The following KCNIP4 variants were observed in gnomAD, a reference collection of about 807,000 sequenced individuals.
KCNIP4 encodes the protein potassium voltage-gated channel interacting protein 4.
KCNIP4 carries 12 observed loss-of-function variants against 34.0 expected under a neutral mutation model. The observed-to-expected ratio is 0.35, with a 90% CI of 0.23 to 0.57. KCNIP4 has a LOEUF of 0.57. Ranked by LOEUF, KCNIP4 falls within the 20% of genes least tolerant of loss-of-function variation. KCNIP4 has a pLI of 0.83. For missense variants in KCNIP4, 238 were observed against 311.7 expected (o/e 0.76, Z 1.78); for synonymous variants, 124 against 102.2 (o/e 1.21, Z -1.29).
intron 1 of KCNIP4, among the ~76,000 whole-genome samples, chr4:21,671,164 G>C (rs1024577796): frequency 1.3e-5 from 2 of 151,946 alleles, no homozygotes; most frequent in African/African-American, 4.8e-5. Flanking sequence ...TCATAAAACT[G>C]ATTTAGAAAC....
chr4:20,748,623 A>C (rs1345126631), intron 5 of KCNIP4, among the ~76,000 whole-genome samples: 14 of 146,098 alleles, frequency 9.6e-5, no homozygotes, highest in African/African-American at 3.5e-4. Context: ...GTAAATATAA[A>C]TGTATATATG....
At chr4:20,958,419 G>A (rs954906297) in intron 1 of KCNIP4, among the ~76,000 whole-genome samples, 2 of 152,192 alleles carry the variant, frequency 1.3e-5, no homozygotes, top group Admixed American at 1.3e-4. Flanking sequence ...TCTTTCTAAT[G>A]ACTTCAACCT....
chr4:21,167,827 G>A (rs1288306674), intron 1 of KCNIP4, among the ~76,000 whole-genome samples: 1 of 152,156 alleles, frequency 6.6e-6, no homozygotes, highest in East Asian at 1.9e-4. Context: ...GGTTGACAAA[G>A]ATGATGAACT....
chr4:21,829,870 C>T (rs191037367), intron 1 of KCNIP4, among the ~76,000 whole-genome samples: 27 of 150,944 alleles, frequency 1.8e-4, no homozygotes, highest in African/African-American at 6.6e-4. Context: ...CCAATGCAAT[C>T]AAAGCATACC....
intron 1 of KCNIP4, among the ~76,000 whole-genome samples, chr4:21,466,705 T>C (rs1729969813): frequency 6.6e-6 from 1 of 152,152 alleles, no homozygotes; most frequent in Non-Finnish European, 1.5e-5. Flanking sequence ...CCATCCCATT[T>C]ATACAAATGC....
At chr4:21,311,796 A>G (rs1352159334) in intron 1 of KCNIP4, among the ~76,000 whole-genome samples, 2 of 152,206 alleles carry the variant, frequency 1.3e-5, no homozygotes, top group East Asian at 1.9e-4. Context: ...AGATGAACAG[A>G]TGCAGTGAGG....
At chr4:21,944,556 C>CAAAA (rs5856680) in intron 1 of KCNIP4, among the ~76,000 whole-genome samples, 18 of 104,404 alleles carry the variant, frequency 1.7e-4, no homozygotes, top group African/African-American at 2.6e-4. Flanking sequence ...GACTCCGTCT[C>CAAAA]AAAAAAAAAA....
chr4:21,479,813 A>G (rs934889148), intron 1 of KCNIP4, among the ~76,000 whole-genome samples: 1 of 152,044 alleles, frequency 6.6e-6, no homozygotes, highest in African/African-American at 2.4e-5. Flanking sequence ...CTAGTAAAAT[A>G]TACAATAAAA....
At chr4:21,653,944 C>A (rs979933090) in intron 1 of KCNIP4, among the ~76,000 whole-genome samples, 1 of 152,224 alleles carries the variant, frequency 6.6e-6, no homozygotes, top group East Asian at 1.9e-4. Flanking sequence ...TTGAAGAAGT[C>A]CTCATTTAGG....
At chr4:21,431,739 T>C (rs1726468656) in intron 1 of KCNIP4, among the ~76,000 whole-genome samples, 1 of 151,936 alleles carries the variant, frequency 6.6e-6, no homozygotes. Flanking sequence ...TAATATTTTA[T>C]GGACATATAG....
At chr4:21,338,264 CAAAAAAA>C (rs869150288) in intron 1 of KCNIP4, among the ~76,000 whole-genome samples, 8 of 50,040 alleles carry the variant, frequency 1.6e-4, no homozygotes, top group African/African-American at 4.8e-4. Context: ...GACTCCTTCT[CAAAAAAA>C]AAAAAAAAAA....
intron 1 of KCNIP4, among the ~76,000 whole-genome samples, chr4:21,889,858 A>G (rs1176155406): frequency 2.0e-5 from 3 of 152,148 alleles, no homozygotes; most frequent in African/African-American, 7.2e-5. Context: ...AATGCCATAG[A>G]CCGTGTTTCC....
chr4:20,854,545 C>T (rs752998045), intron 2 of KCNIP4, among the ~76,000 whole-genome samples: 2 of 152,048 alleles, frequency 1.3e-5, no homozygotes, highest in East Asian at 1.9e-4. Context: ...GCAGTGTATA[C>T]GTGGGTGATG....
intron 4 of KCNIP4, among the ~76,000 whole-genome samples, chr4:20,756,972 C>T (rs1034119427): frequency 6.6e-6 from 1 of 152,050 alleles, no homozygotes; most frequent in Non-Finnish European, 1.5e-5. Flanking sequence ...ATTAATAATT[C>T]TCAAATCTCT....
intron 5 of KCNIP4, among the ~76,000 whole-genome samples, chr4:20,742,186 C>G (rs919689572): frequency 6.6e-6 from 1 of 152,102 alleles, no homozygotes; most frequent in Non-Finnish European, 1.5e-5. Flanking sequence ...TTCCAATCAA[C>G]AGAAAAAGAG....
chr4:21,404,285 AT>A (rs567474539), intron 1 of KCNIP4, among the ~76,000 whole-genome samples: 1 of 152,064 alleles, frequency 6.6e-6, no homozygotes, highest in Admixed American at 6.6e-5. Context: ...CTTGTTTATT[AT>A]TTTTTTCCTG....
intron 1 of KCNIP4, among the ~76,000 whole-genome samples, chr4:21,503,101 A>C (rs532697761): frequency 6.6e-6 from 1 of 152,300 alleles, no homozygotes; most frequent in African/African-American, 2.4e-5. Context: ...CACATTTTAA[A>C]AGTGTATGCT....
intron 1 of KCNIP4, among the ~76,000 whole-genome samples, chr4:20,992,030 C>T (rs1737124256): frequency 2.0e-5 from 3 of 152,204 alleles, no homozygotes; most frequent in African/African-American, 7.2e-5. Context: ...GGCTTAAATG[C>T]TTTCCAATTC....
chr4:20,953,317 T>C (rs1213480894), intron 1 of KCNIP4, among the ~76,000 whole-genome samples: 1 of 152,182 alleles, frequency 6.6e-6, no homozygotes, highest in African/African-American at 2.4e-5. Flanking sequence ...CTGTTTGACT[T>C]CATAATGACT....
Sources: allele counts gnomAD v4.1 joint callset (sites outside exome capture counted in the v4.1 genomes callset), GRCh38; gene constraint gnomAD v4.1.1; transcripts MANE v1.5; gene names NCBI Gene and HGNC (gene_info 2026-07-23, HGNC 2026-07-21).